ZNF713: variants seen among roughly 807,000 people sequenced by gnomAD.
The protein encoded by ZNF713 is zinc finger protein 713.
ZNF713 carries 21 observed loss-of-function variants against 28.7 expected under a neutral mutation model. The ratio of observed to expected loss-of-function variants is 0.73; its 90% CI spans 0.52 to 1.05. The LOEUF (loss-of-function observed/expected upper bound fraction) is 1.05. Among genes scored for constraint, ZNF713 ranks in the 50% least tolerant of loss-of-function variants. ZNF713 has a pLI of 0.00. For synonymous variants in ZNF713, 167 were observed against 178.0 expected (o/e 0.94, Z 0.49); for missense variants, 458 against 532.4 (o/e 0.86, Z 1.37).
chr7:55,923,270 A>G lies in ZNF713; in HGVS notation c.196A>G (p.Arg66Gly), dbSNP rs951213433. The G allele has an allele frequency of 5.0e-6, 8 of 1,612,910 alleles. No homozygotes were observed. The African/African-American group carries it at 1.1e-4, about 22-fold the overall frequency. Residue 66 changes from arginine (R) to glycine (G), a missense_variant, in exon 5 of 7, where the codon AGG (arginine) becomes GGG (glycine). Transcript: ENST00000429591. Reference protein sequence around the residue: ...LYRDVMLENYRNLVALGYQLC... With the variant: ...LYRDVMLENYGNLVALGYQLC... Reference sequence around the variant, plus strand: ...TCGAGACGTGATGCTGGAGAACTACAGGAATCTAGTTGCACTGGGTGAGGA... The same window carrying G: ...TCGAGACGTGATGCTGGAGAACTACGGGAATCTAGTTGCACTGGGTGAGGA...
intron 1 of ZNF713, among the ~76,000 whole-genome samples, chr7:55,890,015 C>T (rs6964563): frequency 0.15 from 22,667 of 152,116 alleles, 1,897 homozygotes; most frequent in Non-Finnish European, 0.18. Flanking sequence ...AACCTCTCTT[C>T]CTGGCTTGCA....
intron 2 of ZNF713, among the ~76,000 whole-genome samples, chr7:55,910,584 C>T (rs1247422248): frequency 3.3e-5 from 5 of 152,126 alleles, no homozygotes; most frequent in African/African-American, 1.2e-4. Flanking sequence ...CAACCTCTGC[C>T]TCCCAGGCTG....
At chr7:55,934,028 A>G (rs569067789) in intron 6 of ZNF713, among the ~76,000 whole-genome samples, 3 of 152,256 alleles carry the variant, frequency 2.0e-5, no homozygotes, top group African/African-American at 7.2e-5. Context: ...AGGATAATTT[A>G]AAAGGGTTGG....
Position 55,923,686 on chromosome 7 carries a change from G to A in ZNF713, c.294G>A (p.Leu98=), listed in dbSNP as rs1227361346. The A allele has an allele frequency of 1.9e-6, 3 of 1,611,894 alleles. No individual in the cohort carries two copies. The highest frequency in any genetic ancestry group is 2.5e-6 in the Non-Finnish European group (3 of 1,178,876). Residue 98 remains leucine (L), a synonymous_variant, in exon 6 of 7, where the codon CTG becomes CTA. Coordinates refer to ENST00000429591, the MANE Select transcript of ZNF713 (RefSeq NM_182633.3). ...EEWVIERDSL[L]DTHPDGENRP... ...GGGTGATAGAAAGAGACAGCCTGCT[G>A]GATACTCATCCAGGTAAGTGCACAC...
rs182532033 is a variant in ZNF713 at position 55,934,592 on chromosome 7, C to T, written c.308-4390C>T. On this transcript the variant is annotated intron_variant, in intron 6 of 6. Transcript: ENST00000429591. ...AATCATGGCTGACTGCAGCCCCAGC[C>T]TCCCTGGGCTGAGGTGACCCTCTCA... Among the ~76,000 whole-genome samples the T allele has an allele frequency of 2.6e-3, 401 of 152,206 alleles. 8 individuals carry two copies. The highest frequency in any genetic ancestry group is 7.6e-4 in the Non-Finnish European group (52 of 68,010).
chr7:55,923,077 A>G, intron 4 of ZNF713, 85 bp from the exon 5 acceptor site: 2 of 1,445,928 alleles, frequency 1.4e-6, no homozygotes, highest in East Asian at 2.4e-5. Flanking sequence ...GGCTTAGATA[A>G]CCTGGTGCTA....
chr7:55,899,169 C>T (rs974597001), intron 1 of ZNF713, among the ~76,000 whole-genome samples: 9 of 150,420 alleles, frequency 6.0e-5, no homozygotes, highest in African/African-American at 1.7e-4. Context: ...CTGGCTAATA[C>T]GGTGAAACCC....
chr7:55,901,359 C>A (rs1021458136), intron 1 of ZNF713, among the ~76,000 whole-genome samples: 5 of 152,110 alleles, frequency 3.3e-5, no homozygotes, highest in African/African-American at 9.7e-5. Context: ...AGACCTGCCC[C>A]CATGATTCAG....
chr7:55,926,657 A>G (rs1786102566), intron 6 of ZNF713, among the ~76,000 whole-genome samples: 1 of 152,246 alleles, frequency 6.6e-6, no homozygotes. Flanking sequence ...TTCTTAAGCT[A>G]AGCTGAGACC....
At chr7:55,891,419 T>G (rs1014239943) in intron 1 of ZNF713, among the ~76,000 whole-genome samples, 4 of 150,148 alleles carry the variant, frequency 2.7e-5, no homozygotes, top group African/African-American at 7.4e-5. Flanking sequence ...GAGAAAAGAT[T>G]AAGAGAAATG....
At chr7:55,931,480 A>C (rs1786208759) in intron 6 of ZNF713, among the ~76,000 whole-genome samples, 1 of 152,154 alleles carries the variant, frequency 6.6e-6, no homozygotes, top group Non-Finnish European at 1.5e-5. Context: ...AAATATGATG[A>C]TGCTTTACAT....
At chr7:55,933,715 T>C (rs780771104) in intron 6 of ZNF713, among the ~76,000 whole-genome samples, 2 of 152,202 alleles carry the variant, frequency 1.3e-5, no homozygotes, top group Admixed American at 6.5e-5. Context: ...TTGTCGTTGT[T>C]GTTTGCGAGA....
chr7:55,907,330 C>T (rs186359280), intron 2 of ZNF713, among the ~76,000 whole-genome samples: 23 of 152,178 alleles, frequency 1.5e-4, no homozygotes, highest in Admixed American at 1.4e-3. Context: ...CACTGCCTTC[C>T]AGTTGTGCCT....
intron 2 of ZNF713, among the ~76,000 whole-genome samples, chr7:55,911,284 A>G (rs1199199503): frequency 3.3e-5 from 5 of 152,232 alleles, no homozygotes; most frequent in Non-Finnish European, 5.9e-5. Flanking sequence ...TAATAATACA[A>G]TCTTACTTTG....
At chr7:55,894,422 G>A (rs888479042) in intron 1 of ZNF713, among the ~76,000 whole-genome samples, 4 of 152,138 alleles carry the variant, frequency 2.6e-5, no homozygotes, top group African/African-American at 9.7e-5. Flanking sequence ...CAGATGACAC[G>A]AAAGGGTAAT....
chr7:55,911,416 T>C lies in ZNF713; in HGVS notation c.-455-200T>C, dbSNP rs544239444. ...AGGACTGAGGCTGAATTTGTTGTTA[T>C]TGACACATGTACACCTCTGCCTTTT... On this transcript the variant is annotated intron_variant, in intron 2 of 6. Coordinates refer to ENST00000429591, the MANE Select transcript of ZNF713 (RefSeq NM_182633.3). Among the ~76,000 whole-genome samples, 21 of 152,368 alleles carry C rather than the reference T, an allele frequency of 1.4e-4. No individual in the cohort carries two copies. The South Asian group carries it at 3.9e-3, about 29-fold the overall frequency.
In ZNF713 at chr7:55,941,998, G is replaced by A. The variant is rs912490659; in HGVS notation, c.*1992G>A. 6.6e-6 allele frequency: 1 copy of A among 152,148 alleles called. No individual in the cohort carries two copies. The highest frequency in any genetic ancestry group is 1.5e-5 in the Non-Finnish European group (1 of 68,012). The allele number at this position is 152,148 out of a possible 1,614,324, so 9.4% of individuals were successfully genotyped here. A position where few individuals can be genotyped will look rare whatever the true frequency, so the allele number is the denominator to read the frequency against. On this transcript the variant is annotated 3_prime_UTR_variant, in exon 7 of 7. Transcript: ENST00000429591. ...TTAGCTTTAAATTTCCCTGTGGCAA[G>A]TCTAGATTTTTTTTCAGTTAAAATT...
rs116972520 is a variant in ZNF713 at position 55,915,089 on chromosome 7, C to T, written c.87+2366C>T. Among the ~76,000 whole-genome samples the T allele has an allele frequency of 2.0e-4, 30 of 152,308 alleles. No individual in the cohort carries two copies. In the East Asian group the frequency reaches 5.8e-3, roughly 29 times the overall value. Reference sequence around the variant, plus strand: ...AGGCTAGTCCGCCCCCATCAGCCTCCCAAAGTATTGGGATTATAGGCGTGA... The same window carrying T: ...AGGCTAGTCCGCCCCCATCAGCCTCTCAAAGTATTGGGATTATAGGCGTGA... On this transcript the variant is annotated intron_variant, in intron 4 of 6. Coordinates refer to ENST00000429591, the MANE Select transcript of ZNF713 (RefSeq NM_182633.3).
chr7:55,906,967 CTT>C (rs1395361336), intron 2 of ZNF713, among the ~76,000 whole-genome samples: 2 of 152,168 alleles, frequency 1.3e-5, no homozygotes, highest in Middle Eastern at 3.2e-3. Flanking sequence ...TTTGGAAAGA[CTT>C]TTTATGTTAC....
Sources: gnomAD v4.1 joint callset for allele counts (sites outside exome capture counted in the v4.1 genomes callset) on GRCh38, gnomAD v4.1.1 for gene constraint, MANE v1.5 for transcripts, NCBI Gene and HGNC (gene_info 2026-07-23, HGNC 2026-07-21) for gene names.